The following C5orf47 variants were observed in gnomAD, a reference collection of about 807,000 sequenced individuals.
The protein encoded by C5orf47 is uncharacterized protein C5orf47.
Under a neutral mutation model 20.6 loss-of-function variants are expected in C5orf47, and 20 were observed. The ratio of observed to expected loss-of-function variants is 0.97; its 90% CI spans 0.68 to 1.41. The LOEUF is 1.41. C5orf47 is among the 40% of genes most tolerant of loss of function. The probability of loss-of-function intolerance (pLI) is 0.00; values close to 1 mark genes in which losing one functional copy is unlikely to be tolerated. For synonymous variants in C5orf47, 106 were observed against 97.3 expected, an observed-to-expected ratio of 1.09 and a Z score of -0.53; for missense variants, 262 against 238.4, an observed-to-expected ratio of 1.10 and a Z score of -0.65.
At chr5:174,001,734 T>TAG (rs1177649270) in intron 4 of C5orf47, among the ~76,000 whole-genome samples, 1 of 152,080 alleles carries the variant, frequency 6.6e-6, no homozygotes, top group Non-Finnish European at 1.5e-5. Context: ...AATGCTGTCC[T>TAG]AGGAGTGATT....
At chr5:174,008,839 AAAG>A (rs1378192018), downstream of C5orf47, among the ~76,000 whole-genome samples, 18 of 145,984 alleles carry the variant, frequency 1.2e-4, no homozygotes, top group African/African-American at 3.2e-4. Flanking sequence ...AAAAAAAAAA[AAAG>A]AAAGAAAAAC....
chr5:173,992,653 A>G (rs1037116589), intron 1 of C5orf47, among the ~76,000 whole-genome samples: 11 of 152,178 alleles, frequency 7.2e-5, no homozygotes, highest in African/African-American at 2.7e-4. Flanking sequence ...TCCAATATGT[A>G]GTGTTTTCGT....
At chr5:173,995,468 C>T (rs571022318) in intron 1 of C5orf47, among the ~76,000 whole-genome samples, 43 of 152,336 alleles carry the variant, frequency 2.8e-4, no homozygotes, top group African/African-American at 9.9e-4. Context: ...GTCAGAAAGA[C>T]ATAATCCGTG....
intron 2 of C5orf47, among the ~76,000 whole-genome samples, chr5:173,998,548 G>A (rs941017099): frequency 6.6e-6 from 1 of 152,162 alleles, no homozygotes; most frequent in Non-Finnish European, 1.5e-5. Flanking sequence ...AACTGTGATA[G>A]ATAATGTAGT....
At chr5:174,006,788 A>G (rs553112922), downstream of C5orf47, among the ~76,000 whole-genome samples, 1 of 152,290 alleles carries the variant, frequency 6.6e-6, no homozygotes, top group South Asian at 2.1e-4. Context: ...TTCCTGAGTC[A>G]TGGACTATAC....
intron 1 of C5orf47, among the ~76,000 whole-genome samples, chr5:173,997,650 G>A (rs1190912441): frequency 1.3e-5 from 2 of 152,090 alleles, no homozygotes; most frequent in Non-Finnish European, 2.9e-5. Context: ...AGGGAAGGCT[G>A]TAGAGAAGAG....
chr5:173,998,354 A>G, intron 2 of C5orf47, 116 bp downstream of exon 2: 1 of 576,784 alleles, frequency 1.7e-6, no homozygotes, highest in Non-Finnish European at 3.0e-6. Flanking sequence ...GAATAATTTA[A>G]TTTTCTGAAA....
chr5:173,992,108 TATG>T lies in C5orf47; in HGVS notation c.325+2524_325+2526del, dbSNP rs373551639. ...CATAGATGTCTGCAAAGTAGTGTCT[TATG>T]ATGTTTAAACATTTTCTTGCGTTTT... is the stretch of plus-strand genomic sequence containing the variant. On this transcript the variant is annotated intron_variant, in intron 1 of 4. Transcript: ENST00000340147. 1.5e-3 allele frequency among the ~76,000 whole-genome samples: 226 copies of T among 152,320 alleles called. 1 individual carries two copies. Among genetic ancestry groups the T allele is most frequent in the African/African-American group, 5.1e-3 (214 of 41,566 alleles).
chr5:173,998,421 C>T (rs968805036), intron 2 of C5orf47, among the ~76,000 whole-genome samples, 183 bp downstream of exon 2: 1 of 151,938 alleles, frequency 6.6e-6, no homozygotes, highest in African/African-American at 2.4e-5. Context: ...ATTTATTAAC[C>T]ATAAAGAATT....
At chr5:173,996,739 G>A (rs1360851140) in intron 1 of C5orf47, among the ~76,000 whole-genome samples, 1 of 152,038 alleles carries the variant, frequency 6.6e-6, no homozygotes, top group Non-Finnish European at 1.5e-5. Flanking sequence ...AAATTAATTA[G>A]AAACAAATAT....
intron 1 of C5orf47, among the ~76,000 whole-genome samples, chr5:173,993,421 T>C (rs1297676421): frequency 6.6e-6 from 1 of 152,076 alleles, no homozygotes; most frequent in Non-Finnish European, 1.5e-5. Context: ...GGTGGGCAGA[T>C]CACGAGATCA....
chr5:173,990,215 C>T (rs1200339288), intron 1 of C5orf47, among the ~76,000 whole-genome samples: 5 of 149,374 alleles, frequency 3.3e-5, no homozygotes, highest in African/African-American at 9.9e-5. Context: ...CAGCCTTGAC[C>T]GCAGCCTTGA....
chr5:173,990,313 G>A (rs1035308215), intron 1 of C5orf47, among the ~76,000 whole-genome samples: 2 of 149,606 alleles, frequency 1.3e-5, no homozygotes, highest in Non-Finnish European at 3.0e-5. Context: ...GGGGGCGGGG[G>A]GGTCTCCCTG....
chr5:173,996,591 A>G (rs1221012773), intron 1 of C5orf47, among the ~76,000 whole-genome samples: 1 of 152,214 alleles, frequency 6.6e-6, no homozygotes, highest in Non-Finnish European at 1.5e-5. Context: ...TTATTTTCCT[A>G]TGCCATATCT....
chr5:173,991,336 C>CA (rs1758993573), intron 1 of C5orf47, among the ~76,000 whole-genome samples: 1 of 152,146 alleles, frequency 6.6e-6, no homozygotes, highest in African/African-American at 2.4e-5. Context: ...GCTGATACCT[C>CA]AAGGGCAATG....
downstream of C5orf47, among the ~76,000 whole-genome samples, chr5:174,007,559 C>CTTTTTT (rs113925593): frequency 1.4e-5 from 2 of 138,916 alleles, no homozygotes; most frequent in African/African-American, 5.4e-5. Context: ...ACTCTCCTAC[C>CTTTTTT]TTTTTTTTTT....
downstream of C5orf47, among the ~76,000 whole-genome samples, chr5:174,007,157 C>T (rs758206581): frequency 2.0e-5 from 3 of 149,180 alleles, no homozygotes; most frequent in East Asian, 2.2e-4. Context: ...GTAACTCTTA[C>T]GTTGGATGCT....
Position 174,004,560 on chromosome 5 carries a change from C to T in C5orf47, c.*306C>T, listed in dbSNP as rs1228857284. 1 of 152,232 alleles carries T rather than the reference C, an allele frequency of 6.6e-6. No individual in the cohort carries two copies. Among genetic ancestry groups the T allele is most frequent in the African/African-American group, 2.4e-5 (1 of 41,430 alleles). The allele number at this position is 152,232 out of a possible 1,614,324, so 9.4% of individuals were successfully genotyped here. A position where few individuals can be genotyped will look rare whatever the true frequency, so the allele number is the denominator to read the frequency against. On this transcript the variant is annotated 3_prime_UTR_variant, in exon 5 of 5. Coordinates refer to ENST00000340147, the MANE Select transcript of C5orf47 (RefSeq NM_001144954.2). The stretch of plus-strand genomic sequence containing the variant: ...CATACATAAAATTAAATTAGCATAT[C>T]AATGCAATTGCATGAATTTTATAAT...
rs547646365 is a variant in C5orf47, at chr5:174,005,994, T to A, written c.*1740T>A. On this transcript the variant is annotated 3_prime_UTR_variant, in exon 5 of 5. Coordinates refer to ENST00000340147, the MANE Select transcript of C5orf47 (RefSeq NM_001144954.2). ...TCTGGTGAATATGTGTTCAATCTGTTATGTTAAATAGAATATAATAAACAT... is the reference window on the plus strand; with the variant it reads ...TCTGGTGAATATGTGTTCAATCTGTAATGTTAAATAGAATATAATAAACAT... The A allele has an allele frequency of 6.6e-6, 1 of 152,446 alleles. No homozygotes were observed. The highest frequency in any genetic ancestry group is 2.1e-4 in the South Asian group (1 of 4,832). The allele number at this position is 152,446 out of a possible 1,614,324, so 9.4% of individuals were successfully genotyped here. A position where few individuals can be genotyped will look rare whatever the true frequency, so the allele number is the denominator to read the frequency against.
Sources: gnomAD v4.1 joint callset for allele counts (sites outside exome capture counted in the v4.1 genomes callset) on GRCh38, gnomAD v4.1.1 for gene constraint, MANE v1.5 for transcripts, NCBI Gene and HGNC (gene_info 2026-07-23, HGNC 2026-07-21) for gene names.